The following LRBA variants were observed in gnomAD, a reference collection of about 807,000 sequenced individuals.
The protein encoded by LRBA is lipopolysaccharide-responsive and beige-like anchor protein.
In LRBA, 176 loss-of-function variants were observed where a neutral mutation model predicts 330.0. That is an observed-to-expected ratio of 0.53 (90% CI 0.47 to 0.60). The LOEUF (loss-of-function observed/expected upper bound fraction) is 0.60. Ranked by LOEUF, LRBA falls within the 20% of genes least tolerant of loss-of-function variation. The pLI is 0.00. For synonymous variants in LRBA, 1,230 were observed against 1,193.0 expected (o/e 1.03, Z -0.64); for missense variants, 3,259 against 3,444.8 (o/e 0.95, Z 1.35).
intron 22 of LRBA, among the ~76,000 whole-genome samples, chr4:150,856,693 T>A (rs1751265567): frequency 1.3e-5 from 2 of 152,186 alleles, no homozygotes; most frequent in Non-Finnish European, 2.9e-5. Flanking sequence ...TCTTTTTGGA[T>A]GCTGTTTTCC....
At chr4:150,489,215 C>CGAATATATAATATATTATATATAA (rs1758400647) in intron 41 of LRBA, among the ~76,000 whole-genome samples, 7 of 36,190 alleles carry the variant, frequency 1.9e-4, no homozygotes, top group African/African-American at 6.6e-4. Context: ...ATTATATATA[C>CGAATATATAATATATTATATATAA]GAATATATAA....
intron 48 of LRBA, 68 bp from the exon 49 acceptor site, chr4:150,325,966 C>T (rs1733205557): frequency 1.2e-6 from 1 of 846,840 alleles, no homozygotes; most frequent in African/African-American, 1.7e-5. Flanking sequence ...CCCCAACTGT[C>T]ACCTGAAAAT....
chr4:150,963,801 A>G (rs1228165869), intron 2 of LRBA, among the ~76,000 whole-genome samples: 1 of 106,980 alleles, frequency 9.3e-6, no homozygotes, highest in Non-Finnish European at 1.9e-5. Flanking sequence ...CCGGCCCCCC[A>G]GTCTGGGAAG....
intron 2 of LRBA, among the ~76,000 whole-genome samples, chr4:150,948,294 G>C (rs978855240): frequency 2.0e-5 from 3 of 151,956 alleles, no homozygotes; most frequent in African/African-American, 7.2e-5. Context: ...ATAAATCAAT[G>C]AGACAGAATA....
chr4:150,440,083 GATGCTAGCACCATC>G (rs1268200870), intron 44 of LRBA, among the ~76,000 whole-genome samples: 1 of 152,122 alleles, frequency 6.6e-6, no homozygotes, highest in Non-Finnish European at 1.5e-5. Context: ...AGTTTGGGAA[GATGCTAGCACCATC>G]ATCCTACATA....
chr4:150,997,742 C>T (rs959573640), intron 2 of LRBA, among the ~76,000 whole-genome samples: 1 of 151,640 alleles, frequency 6.6e-6, no homozygotes, highest in Non-Finnish European at 1.5e-5. Flanking sequence ...CTCTCTCTGT[C>T]GCCCAGGCTG....
rs2126676863 is a variant in LRBA at position 150,265,031 on chromosome 4, A to T, written c.*691T>A. On this transcript the variant is annotated 3_prime_UTR_variant, in exon 57 of 57. Transcript: ENST00000651943. ...ATGTTGTGAGCTCAAGAGCATTTCC[A>T]TCATTTCGTTTTGTTGTGCTATGAA... 1 of 152,810 alleles carries T rather than the reference A, an allele frequency of 6.5e-6. No homozygotes were observed. The highest frequency in any genetic ancestry group is 1.5e-5 in the Non-Finnish European group (1 of 68,056). 9.5% of individuals were successfully genotyped at this position (152,810 alleles called of 1,614,324 possible). A position where few individuals can be genotyped will look rare whatever the true frequency, so the allele number is the denominator to read the frequency against.
At chr4:150,346,781 A>C (rs912398179) in intron 48 of LRBA, among the ~76,000 whole-genome samples, 16 of 142,304 alleles carry the variant, frequency 1.1e-4, no homozygotes, top group Admixed American at 7.0e-4. Context: ...AAAAAAAAAA[A>C]AAAAAACACT....
chr4:150,872,163 T>C lies in LRBA; in HGVS notation c.2258+500A>G, dbSNP rs1360411057. ...CTAACTGGATTCCTAAAGACTTCAG[T>C]TTACCAACACTTGTTCTACCCCCAA... On this transcript the variant is annotated intron_variant, in intron 18 of 56. Coordinates refer to ENST00000651943, the MANE Select transcript of LRBA (RefSeq NM_001364905.1). 2.0e-5 allele frequency among the ~76,000 whole-genome samples: 3 copies of C among 152,296 alleles called. No homozygotes were observed. In the East Asian group the frequency reaches 5.8e-4, roughly 29 times the overall value.
chr4:150,596,985 G>C, intron 38 of LRBA: 1 of 592,802 alleles, frequency 1.7e-6, no homozygotes, highest in Non-Finnish European at 3.0e-6. Context: ...TACACATTTA[G>C]ATTTTTAAAC....
chr4:150,278,912 C>T (rs1387019482), intron 55 of LRBA, among the ~76,000 whole-genome samples: 2 of 152,036 alleles, frequency 1.3e-5, no homozygotes, highest in African/African-American at 4.8e-5. Context: ...ACAATCTCCA[C>T]CTCTCAGGTT....
chr4:150,914,345 T>G lies in LRBA; in HGVS notation c.1015-4A>C. 7.0e-7 allele frequency: 1 copy of G among 1,419,858 alleles called. No homozygotes were observed. Among genetic ancestry groups the G allele is most frequent in the Non-Finnish European group, 9.3e-7 (1 of 1,080,066 alleles). 88.0% of individuals were successfully genotyped at this position (1,419,858 alleles called of 1,614,324 possible). On this transcript the variant is annotated splice_polypyrimidine_tract_variant and splice_region_variant and intron_variant, in intron 8 of 56. Coordinates refer to ENST00000651943, the MANE Select transcript of LRBA (RefSeq NM_001364905.1). ...CCAGGAAACATTTGTCAAAGGTCTG[T>G]AAAAGAAAAAAAAAAAGGAATTAGG...
intron 40 of LRBA, among the ~76,000 whole-genome samples, chr4:150,512,038 C>T (rs1394497): frequency 0.98 from 149,504 of 152,364 alleles, 73,411 homozygotes; most frequent in East Asian, 1. Context: ...TCCAGTGCTA[C>T]TGGTACATCA....
chr4:150,276,913 C>G (rs1381823460), intron 56 of LRBA, among the ~76,000 whole-genome samples: 1 of 152,162 alleles, frequency 6.6e-6, no homozygotes, highest in African/African-American at 2.4e-5. Flanking sequence ...GACCCACAAT[C>G]TCATTACTGG....
intron 42 of LRBA, among the ~76,000 whole-genome samples, chr4:150,479,284 A>G (rs1397402539): frequency 6.6e-6 from 1 of 152,180 alleles, no homozygotes; most frequent in East Asian, 1.9e-4. Context: ...GCCTTTAAAA[A>G]AAAAGGACAT....
At chr4:150,751,926 A>G (rs1260952369) in intron 35 of LRBA, among the ~76,000 whole-genome samples, 1 of 152,110 alleles carries the variant, frequency 6.6e-6, no homozygotes, top group Non-Finnish European at 1.5e-5. Flanking sequence ...GAGTTTTCCA[A>G]TATTACTGCT....
chr4:150,865,866 C>T (rs539200779), intron 22 of LRBA, among the ~76,000 whole-genome samples: 22 of 152,200 alleles, frequency 1.4e-4, no homozygotes, highest in Admixed American at 9.8e-4. Flanking sequence ...CAGGTGCACG[C>T]CACCACGCCT....
rs1156606877 is a variant in LRBA, at chr4:150,852,794, C to A, written c.2916G>T (p.Gln972His). The change falls in exon 23 of 57, where the codon CAG becomes CAT. Residue 972 changes from glutamine to histidine, a missense_variant. Gln to His is a conservative substitution (Grantham distance 24). Transcript: ENST00000651943. ...RRDINVSVGS[Q>H]QPDTKDSPVC... ...CAGGAGAATCCTTCGTATCTGGTTGCTGGGATCCTACTGAAACATTAATAT... is the reference window on the plus strand; with the variant it reads ...CAGGAGAATCCTTCGTATCTGGTTGATGGGATCCTACTGAAACATTAATAT... The A allele has an allele frequency of 1.2e-6, 2 of 1,614,032 alleles. No individual in the cohort carries two copies. Among genetic ancestry groups the A allele is most frequent in the Non-Finnish European group, 1.7e-6 (2 of 1,179,954 alleles).
intron 40 of LRBA, among the ~76,000 whole-genome samples, chr4:150,494,033 A>G (rs1581481582): frequency 6.6e-6 from 1 of 152,126 alleles, no homozygotes; most frequent in African/African-American, 2.4e-5. Context: ...ACAGTAAGCT[A>G]TGATTGCGCC....
Sources: gnomAD v4.1 joint callset for allele counts (sites outside exome capture counted in the v4.1 genomes callset) on GRCh38, gnomAD v4.1.1 for gene constraint, MANE v1.5 for transcripts, NCBI Gene and HGNC (gene_info 2026-07-23, HGNC 2026-07-21) for gene names.